The following ZNF16 variants were observed in gnomAD, a reference collection of about 807,000 sequenced individuals.
ZNF16 encodes zinc finger protein 16, also known as zinc finger protein KOX9.
In ZNF16, 7 loss-of-function variants were observed where a neutral mutation model predicts 9.0. That is an observed-to-expected ratio of 0.78 (90% CI 0.44 to 1.47). The LOEUF (loss-of-function observed/expected upper bound fraction) is 1.47. Ranked by LOEUF, ZNF16 falls within the 40% of genes most tolerant of loss-of-function variation. The pLI is 0.01. For missense variants in ZNF16, 830 were observed against 854.2 expected, an observed-to-expected ratio of 0.97 and a Z score of 0.35; for synonymous variants, 312 against 301.5, an observed-to-expected ratio of 1.03 and a Z score of -0.36.
rs760083701 is a variant in ZNF16 at position 144,933,225 on chromosome 8, G to C, written c.197-635C>G. Reference sequence around the variant, plus strand: ...GCCTGGCAAGTTGAGTTGCATGGAGGCATCATTCAACCACTCCTGTGCGGC... The same window carrying C: ...GCCTGGCAAGTTGAGTTGCATGGAGCCATCATTCAACCACTCCTGTGCGGC... On this transcript the variant is annotated intron_variant, in intron 2 of 2. Transcript: ENST00000394909. The surrounding 1 kb of genome is among the most constrained non-coding windows in gnomAD (Gnocchi z 5.6). Among the ~76,000 whole-genome samples, 1 of 152,096 alleles carries C rather than the reference G, an allele frequency of 6.6e-6. No homozygotes were observed. The highest frequency in any genetic ancestry group is 1.5e-5 in the Non-Finnish European group (1 of 68,022).
chr8:144,946,924 A>G (rs1416881690), intron 1 of ZNF16, among the ~76,000 whole-genome samples: 11 of 67,704 alleles, frequency 1.6e-4, no homozygotes, highest in Non-Finnish European at 2.5e-4. Flanking sequence ...GCTGTGGGCC[A>G]TACCCTTCTG....
chr8:144,937,128 ACTTT>A (rs1430109286), intron 2 of ZNF16, among the ~76,000 whole-genome samples: 2 of 136,264 alleles, frequency 1.5e-5, no homozygotes, highest in African/African-American at 2.7e-5. Context: ...TGCTTTTTTC[ACTTT>A]CTTTCTCTCT....
At chr8:144,949,421 A>G (rs959525984) in intron 1 of ZNF16, among the ~76,000 whole-genome samples, 1 of 152,216 alleles carries the variant, frequency 6.6e-6, no homozygotes, top group Non-Finnish European at 1.5e-5. Flanking sequence ...ATGCGCTGGG[A>G]ACCACCCCAT....
Position 144,932,072 on chromosome 8 carries a change from A to G in ZNF16, c.715T>C (p.Cys239Arg), listed in dbSNP as rs746955016. Residue 239 changes from cysteine to arginine, a missense_variant, in exon 3 of 3, where the codon TGT (cysteine) becomes CGT (arginine). Coordinates refer to ENST00000394909, the MANE Select transcript of ZNF16 (RefSeq NM_006958.3). The surrounding 1 kb of genome is among the most constrained non-coding windows in gnomAD (Gnocchi z 5.0). ...IVHTGEASFMCDDCGKTFSQN... is the reference protein window; with the variant it reads ...IVHTGEASFMRDDCGKTFSQN... ...CTGAAGGTTTTCCCACAATCATCAC[A>G]CATAAAGGAAGCCTCCCCAGTGTGG... 6.2e-7 allele frequency: 1 copy of G among 1,614,130 alleles called. No individual in the cohort carries two copies. Among genetic ancestry groups the G allele is most frequent in the Admixed American group, 1.7e-5 (1 of 60,018 alleles).
intron 2 of ZNF16, among the ~76,000 whole-genome samples, chr8:144,936,698 T>A (rs557584653): frequency 2.0e-4 from 31 of 151,322 alleles, no homozygotes; most frequent in African/African-American, 7.3e-4. Context: ...GAGAAATGTT[T>A]ATTCAAGTTC....
At chr8:144,950,221 T>A in intron 1 of ZNF16, among the ~76,000 whole-genome samples, 1 of 152,326 alleles carries the variant, frequency 6.6e-6, no homozygotes, top group South Asian at 2.1e-4. Context: ...CTCCCTATTA[T>A]CACCCTGCTC....
chr8:144,931,061 T>C lies in ZNF16; in HGVS notation c.1726A>G (p.Asn576Asp), dbSNP rs368730247. Residue 576 changes from asparagine (N) to aspartate (D), a missense_variant, in exon 3 of 3, where the codon AAC (asparagine) becomes GAC (aspartate). Transcript: ENST00000394909. ...CGGTTGAAGGCTTTACCACACTGGT[T>C]ACATTCATGGGGCTTCAGCCCATTA... ...IHNGLKPHEC[N>D]QCGKAFNRSS... is the part of the protein sequence containing the mutation. 109 of 1,614,118 alleles carry C rather than the reference T, an allele frequency of 6.8e-5. No individual in the cohort carries two copies. Among genetic ancestry groups the C allele is most frequent in the Non-Finnish European group, 8.9e-5 (105 of 1,180,056 alleles).
intron 1 of ZNF16, among the ~76,000 whole-genome samples, chr8:144,950,130 GCC>G (rs1563927909): frequency 5.3e-5 from 8 of 152,070 alleles, no homozygotes; most frequent in East Asian, 3.9e-4. Flanking sequence ...TGGCCTACGT[GCC>G]CATCCAGGCA....
intron 2 of ZNF16, among the ~76,000 whole-genome samples, chr8:144,934,465 C>T (rs1360869335): frequency 1.3e-5 from 2 of 152,250 alleles, no homozygotes; most frequent in Non-Finnish European, 2.9e-5. Context: ...CCCAATGTCC[C>T]CCATGAGCTT....
chr8:144,940,033 T>C (rs1335435585), intron 2 of ZNF16, among the ~76,000 whole-genome samples: 1 of 152,232 alleles, frequency 6.6e-6, no homozygotes, highest in East Asian at 1.9e-4. Context: ...TGCTCTTCTT[T>C]TATAGTCCTT....
intron 2 of ZNF16, among the ~76,000 whole-genome samples, chr8:144,935,425 C>T (rs913624328): frequency 1.3e-5 from 2 of 152,062 alleles, no homozygotes; most frequent in Admixed American, 6.5e-5. Context: ...AGGCTGGTCT[C>T]GAACTCCTGA....
rs1226754313 is a variant in ZNF16 at position 144,930,846 on chromosome 8, G to A, written c.1941C>T (p.His647=). 6.2e-7 allele frequency: 1 copy of A among 1,600,222 alleles called. No homozygotes were observed. The highest frequency in any genetic ancestry group is 8.5e-7 in the Non-Finnish European group (1 of 1,172,774). ...GCTTCACCCCAGTGTGAATCCTCTG[G>A]TGCTGGATGAGGACCGAACGCTGAC... is the stretch of plus-strand genomic sequence containing the variant. ...AFSQRSVLIQ[H]QRIHTGVKPY... The change falls in exon 3 of 3, where the codon CAC becomes CAT. Residue 647 remains histidine (H), a synonymous_variant. Coordinates refer to ENST00000394909, the MANE Select transcript of ZNF16 (RefSeq NM_006958.3).
intron 1 of ZNF16, chr8:144,948,303 G>A (rs968984117): frequency 2.0e-5 from 3 of 152,210 alleles, no homozygotes; most frequent in Non-Finnish European, 4.4e-5. Flanking sequence ...GATTAACTTG[G>A]CAGGGTGCTC....
intron 2 of ZNF16, among the ~76,000 whole-genome samples, chr8:144,942,867 A>G (rs1384890101): frequency 1.3e-5 from 2 of 152,252 alleles, no homozygotes; most frequent in African/African-American, 4.8e-5. Context: ...AACTTAATAC[A>G]AAGTGTACTT....
chr8:144,942,281 T>G, intron 2 of ZNF16, among the ~76,000 whole-genome samples: 1 of 150,664 alleles, frequency 6.6e-6, no homozygotes, highest in Admixed American at 6.6e-5. Context: ...CCTGGCCCAT[T>G]TTTAAGATTT....
At chr8:144,948,542 CTT>C (rs1387349105) in intron 1 of ZNF16, 2 of 152,190 alleles carry the variant, frequency 1.3e-5, no homozygotes, top group African/African-American at 2.4e-5. Context: ...TTTAAAAATA[CTT>C]TAAATTCTCA....
rs1286235964 is a variant in ZNF16, at chr8:144,931,954, G to A, written c.833C>T (p.Ser278Leu). Residue 278 changes from serine to leucine, a missense_variant, in exon 3 of 3, where the codon TCA becomes TTA. Physicochemically the swap from Ser to Leu is moderately radical, Grantham distance 145 (BLOSUM62 -2). Transcript: ENST00000394909. ...SECGKAFRGH[S>L]DFSRHQSHHS... Reference sequence around the variant, plus strand: ...GTGACTCTGATGCCTAGAAAAGTCTGAGTGCCCTCGGAAGGCTTTCCCACA... The same window carrying A: ...GTGACTCTGATGCCTAGAAAAGTCTAAGTGCCCTCGGAAGGCTTTCCCACA... 4.3e-6 allele frequency: 7 copies of A among 1,613,452 alleles called. No homozygotes were observed. The Admixed American group carries it at 5.0e-5, about 12-fold the overall frequency.
intron 2 of ZNF16, among the ~76,000 whole-genome samples, chr8:144,942,220 T>C (rs1157681259): frequency 3.3e-5 from 5 of 151,358 alleles, no homozygotes; most frequent in Non-Finnish European, 5.9e-5. Context: ...CCTTGTGATC[T>C]GCCCGCCTCG....
At chr8:144,939,780 G>C (rs767137542) in intron 2 of ZNF16, among the ~76,000 whole-genome samples, 8 of 151,928 alleles carry the variant, frequency 5.3e-5, no homozygotes, top group Non-Finnish European at 8.8e-5. Context: ...CTAATTTGTT[G>C]GTGTACAATT....
Sources: allele counts gnomAD v4.1 joint callset (sites outside exome capture counted in the v4.1 genomes callset), GRCh38; gene constraint gnomAD v4.1.1; non-coding constraint Gnocchi (gnomAD v3.1); transcripts MANE v1.5; gene names NCBI Gene and HGNC (gene_info 2026-07-23, HGNC 2026-07-21).